The following CCSER1 variants were observed in gnomAD, a reference collection of about 807,000 sequenced individuals.
The protein encoded by CCSER1 is serine-rich coiled-coil domain-containing protein 1.
CCSER1 carries 41 observed loss-of-function variants against 82.0 expected under a neutral mutation model. The ratio of observed to expected loss-of-function variants is 0.50; its 90% confidence interval spans 0.39 to 0.65. The LOEUF (loss-of-function observed/expected upper bound fraction) is 0.65. Among genes scored for constraint, CCSER1 ranks in the 30% least tolerant of loss-of-function variants. The probability of loss-of-function intolerance (pLI) is 0.00; values close to 1 mark genes in which losing one functional copy is unlikely to be tolerated. For missense variants in CCSER1, 1,119 were observed against 1,064.2 expected, an observed-to-expected ratio of 1.05 and a Z score of -0.72; for synonymous variants, 414 against 383.9, an observed-to-expected ratio of 1.08 and a Z score of -0.92.
intron 8 of CCSER1, among the ~76,000 whole-genome samples, chr4:90,886,642 T>C (rs553709967): frequency 9.9e-5 from 15 of 152,224 alleles, no homozygotes; most frequent in Non-Finnish European, 1.9e-4. Context: ...TAGATTTTCT[T>C]ATTTAATCCT....
chr4:91,159,184 C>A (rs1030192057), intron 10 of CCSER1, among the ~76,000 whole-genome samples: 1 of 151,910 alleles, frequency 6.6e-6, no homozygotes, highest in Non-Finnish European at 1.5e-5. Flanking sequence ...GCTTCAGCAA[C>A]TTATAGTTTT....
At position 91,288,431 on chromosome 4, in the gene CCSER1, A is replaced by AAAC. The variant is rs561802153; in HGVS notation, c.2217+202452_2217+202454dup. Among the ~76,000 whole-genome samples the AAAC allele has an allele frequency of 5.6e-3, 853 of 151,970 alleles. 8 individuals carry two copies. The highest frequency in any genetic ancestry group is 0.019 in the African/African-American group (788 of 41,480). On this transcript the variant is annotated intron_variant, in intron 10 of 10. Coordinates refer to ENST00000509176, the MANE Select transcript of CCSER1 (RefSeq NM_001145065.2). ...ACAGCCAGAACATAGAATTTTGCAA[A>AAAC]AACAACAACAACAACAAAAAGGTTA...
At chr4:90,396,081 G>A (rs947728912) in intron 3 of CCSER1, among the ~76,000 whole-genome samples, 39 of 151,930 alleles carry the variant, frequency 2.6e-4, no homozygotes, top group African/African-American at 8.2e-4. Context: ...ACTCCATCTC[G>A]AAAAACAAAA....
intron 10 of CCSER1, among the ~76,000 whole-genome samples, chr4:91,581,544 C>G (rs1049668236): frequency 1.3e-4 from 20 of 151,614 alleles, no homozygotes; most frequent in African/African-American, 2.4e-4. Context: ...GGCTGATAGG[C>G]ACCAAACTGA....
At chr4:90,849,048 G>C (rs889976245) in intron 8 of CCSER1, among the ~76,000 whole-genome samples, 4 of 152,138 alleles carry the variant, frequency 2.6e-5, no homozygotes, top group Non-Finnish European at 5.9e-5. Context: ...CGTGAGAACA[G>C]ACTAATACAG....
At position 91,360,457 on chromosome 4, in the gene CCSER1, G is replaced by GA. The variant is rs1168695890; in HGVS notation, c.2218-238109dup. On this transcript the variant is annotated intron_variant, in intron 10 of 10. Transcript: ENST00000509176. ...AATTGGGGTCCATACAACTGTACAA[G>GA]AAAAAATCTGAGTACATTATGCATC... is the stretch of plus-strand genomic sequence containing the variant. Among the ~76,000 whole-genome samples the GA allele has an allele frequency of 1.7e-4, 26 of 151,666 alleles. 1 individual carries two copies. Among genetic ancestry groups the GA allele is most frequent in the African/African-American group, 2.7e-4 (11 of 41,362 alleles).
chr4:91,436,194 A>G (rs1340274489), intron 10 of CCSER1, among the ~76,000 whole-genome samples: 3 of 152,196 alleles, frequency 2.0e-5, no homozygotes, highest in African/African-American at 7.2e-5. Flanking sequence ...ATTTTATGCC[A>G]TCTTCCCTCT....
At chr4:90,572,957 A>C (rs939120410) in intron 5 of CCSER1, among the ~76,000 whole-genome samples, 1 of 152,150 alleles carries the variant, frequency 6.6e-6, no homozygotes, top group Non-Finnish European at 1.5e-5. Flanking sequence ...TCCAGTCCTC[A>C]TGGACTGGCT....
intron 3 of CCSER1, among the ~76,000 whole-genome samples, chr4:90,317,071 T>C (rs1160523969): frequency 6.6e-6 from 1 of 152,218 alleles, no homozygotes; most frequent in African/African-American, 2.4e-5. Flanking sequence ...AACATATTTC[T>C]TTAAAGAACT....
chr4:91,088,794 G>A (rs1444431211), intron 10 of CCSER1, among the ~76,000 whole-genome samples: 2 of 152,020 alleles, frequency 1.3e-5, no homozygotes, highest in Non-Finnish European at 2.9e-5. Flanking sequence ...CATCCAGTGG[G>A]ATTTTGCAAC....
At chr4:91,368,832 C>T (rs1263506374) in intron 10 of CCSER1, among the ~76,000 whole-genome samples, 1 of 152,048 alleles carries the variant, frequency 6.6e-6, no homozygotes. Flanking sequence ...ATTTTCAGAA[C>T]TAACAATGAT....
chr4:90,286,536 CATAA>C (rs763471039), intron 1 of CCSER1, among the ~76,000 whole-genome samples: 98 of 151,958 alleles, frequency 6.4e-4, no homozygotes, highest in Middle Eastern at 3.4e-3. Flanking sequence ...GTTAATATAA[CATAA>C]ATAAAAAAAT....
At chr4:91,080,388 C>T (rs34598267) in intron 9 of CCSER1, among the ~76,000 whole-genome samples, 100,175 of 152,026 alleles carry the variant, frequency 0.66, 33,439 homozygotes, top group East Asian at 0.95. Context: ...AGACACAACA[C>T]ACCAGAATCT....
At chr4:91,100,233 A>G (rs933256094) in intron 10 of CCSER1, among the ~76,000 whole-genome samples, 1 of 152,162 alleles carries the variant, frequency 6.6e-6, no homozygotes, top group Non-Finnish European at 1.5e-5. Context: ...TCAACATTTA[A>G]TTAAAAGAAC....
intron 1 of CCSER1, among the ~76,000 whole-genome samples, chr4:90,173,896 C>G (rs920973151): frequency 6.6e-6 from 1 of 151,880 alleles, no homozygotes; most frequent in African/African-American, 2.4e-5. Context: ...ATTAACTCAG[C>G]CTTACCATGG....
At chr4:91,588,125 A>G (rs1764094697) in intron 10 of CCSER1, among the ~76,000 whole-genome samples, 1 of 151,404 alleles carries the variant, frequency 6.6e-6, no homozygotes, top group Non-Finnish European at 1.5e-5. Flanking sequence ...TCAATTTTAG[A>G]TCTTTTTAAG....
chr4:91,405,118 C>G (rs534278951), intron 10 of CCSER1, among the ~76,000 whole-genome samples: 79 of 152,158 alleles, frequency 5.2e-4, no homozygotes, highest in African/African-American at 1.8e-3. Context: ...GTTAGCTCTT[C>G]TTGTTGAATT....
chr4:90,700,915 T>A (rs905948866), intron 6 of CCSER1, among the ~76,000 whole-genome samples: 5 of 152,194 alleles, frequency 3.3e-5, no homozygotes, highest in African/African-American at 1.2e-4. Flanking sequence ...TGCAAAAATT[T>A]TCTCCCATTC....
chr4:90,830,389 T>C (rs1488639708), intron 8 of CCSER1, among the ~76,000 whole-genome samples: 3 of 152,182 alleles, frequency 2.0e-5, no homozygotes, highest in African/African-American at 7.2e-5. Flanking sequence ...AATTTTACTA[T>C]GTTTGCTATG....
Sources: allele counts gnomAD v4.1 joint callset (sites outside exome capture counted in the v4.1 genomes callset), GRCh38; gene constraint gnomAD v4.1.1; transcripts MANE v1.5; gene names NCBI Gene and HGNC (gene_info 2026-07-23, HGNC 2026-07-21).